CACNB2: variants seen among roughly 807,000 people sequenced by gnomAD.
CACNB2 encodes calcium voltage-gated channel auxiliary subunit beta 2.
Under a neutral mutation model 73.3 loss-of-function variants are expected in CACNB2, and 42 were observed. That is an observed-to-expected ratio of 0.57 (90% CI 0.45 to 0.74). The LOEUF (loss-of-function observed/expected upper bound fraction) is 0.74. CACNB2 is among the 30% of genes least tolerant of loss of function. The probability of loss-of-function intolerance (pLI) is 0.00; values close to 1 mark genes in which losing one functional copy is unlikely to be tolerated. For missense variants in CACNB2, 940 were observed against 853.0 expected (o/e 1.10, Z -1.27); for synonymous variants, 348 against 310.3 (o/e 1.12, Z -1.28).
chr10:18,487,379 G>T (rs539761517), intron 3 of CACNB2, among the ~76,000 whole-genome samples: 1 of 152,162 alleles, frequency 6.6e-6, no homozygotes, highest in African/African-American at 2.4e-5. Flanking sequence ...CAATATGGGG[G>T]CTGTGTTTCA....
At chr10:18,451,776 G>A (rs1480545398) in intron 3 of CACNB2, among the ~76,000 whole-genome samples, 1 of 152,164 alleles carries the variant, frequency 6.6e-6, no homozygotes. Flanking sequence ...TACAGATATT[G>A]ACAAGCTAGT....
intron 2 of CACNB2, among the ~76,000 whole-genome samples, chr10:18,240,244 T>A (rs2036596518): frequency 6.6e-6 from 1 of 152,204 alleles, no homozygotes; most frequent in Non-Finnish European, 1.5e-5. Context: ...TCTTGAACAA[T>A]ATTATTCTAC....
intron 2 of CACNB2, among the ~76,000 whole-genome samples, chr10:18,310,605 C>CAAAAAAAAAAA (rs1157466238): frequency 2.7e-5 from 1 of 36,858 alleles, no homozygotes; most frequent in Non-Finnish European, 4.5e-5. Flanking sequence ...AACTCCATCT[C>CAAAAAAAAAAA]AAAAAAAAAA....
intron 3 of CACNB2, among the ~76,000 whole-genome samples, chr10:18,430,213 A>G (rs533635951): frequency 6.6e-6 from 1 of 152,264 alleles, no homozygotes; most frequent in South Asian, 2.1e-4. Context: ...CCAAATGTCA[A>G]CAGACATCCA....
At chr10:18,470,191 A>G (rs2048107261) in intron 3 of CACNB2, among the ~76,000 whole-genome samples, 1 of 151,630 alleles carries the variant, frequency 6.6e-6, no homozygotes. Context: ...CACATTAAAA[A>G]GAAATGTATT....
chr10:18,521,143 C>T (rs544775780), intron 9 of CACNB2, among the ~76,000 whole-genome samples: 2 of 152,266 alleles, frequency 1.3e-5, no homozygotes, highest in African/African-American at 4.8e-5. Context: ...ATGAACAGCT[C>T]TCATGGAAAC....
intron 11 of CACNB2, among the ~76,000 whole-genome samples, chr10:18,535,265 G>A (rs886267966): frequency 6.6e-6 from 1 of 152,098 alleles, no homozygotes; most frequent in Non-Finnish European, 1.5e-5. Flanking sequence ...ACCATTTGTT[G>A]AGTTTTAGTG....
At chr10:18,488,818 G>A (rs1172838076) in intron 3 of CACNB2, among the ~76,000 whole-genome samples, 3 of 152,082 alleles carry the variant, frequency 2.0e-5, no homozygotes, top group African/African-American at 4.8e-5. Context: ...GAGAAACACA[G>A]GCTTTGGAGA....
At chr10:18,221,272 T>C (rs1335292702) in intron 2 of CACNB2, among the ~76,000 whole-genome samples, 1 of 149,120 alleles carries the variant, frequency 6.7e-6, no homozygotes, top group Non-Finnish European at 1.5e-5. Flanking sequence ...GATTGTGTCA[T>C]GGAACAATAT....
intron 2 of CACNB2, among the ~76,000 whole-genome samples, chr10:18,237,918 T>G (rs1052668650): frequency 1.3e-5 from 2 of 152,196 alleles, no homozygotes; most frequent in Non-Finnish European, 2.9e-5. Context: ...GGCTGGACTT[T>G]GTTCACTGAG....
intron 3 of CACNB2, among the ~76,000 whole-genome samples, chr10:18,425,071 G>A (rs2045527573): frequency 6.6e-6 from 1 of 152,180 alleles, no homozygotes; most frequent in Non-Finnish European, 1.5e-5. Context: ...CACTGTAGGA[G>A]AGTTTTCACT....
At chr10:18,379,689 A>G (rs1350509150) in intron 2 of CACNB2, among the ~76,000 whole-genome samples, 1 of 151,956 alleles carries the variant, frequency 6.6e-6, no homozygotes, top group African/African-American at 2.4e-5. Flanking sequence ...CCACCATTCT[A>G]CATTTCTGGA....
chr10:18,150,880 T>TTTTTTTTTTTG lies in CACNB2; in HGVS notation c.121-3_121-2insTTTTTTTTTTG. The TTTTTTTTTTTG allele has an allele frequency of 7.7e-7, 1 of 1,300,362 alleles. No homozygotes were observed. Among genetic ancestry groups the TTTTTTTTTTTG allele is most frequent in the Non-Finnish European group, 1.1e-6 (1 of 943,294 alleles). 80.6% of individuals were successfully genotyped at this position (1,300,362 alleles called of 1,614,324 possible). On this transcript the variant is annotated splice_polypyrimidine_tract_variant and splice_region_variant and intron_variant, in intron 1 of 13. Transcript: ENST00000324631. Reference sequence around the variant, plus strand: ...CTTTTTTTTTTTTTTTTTTTTTTTTTAGTCATATGGAAAAGGAGCCAGAAG... The same window carrying TTTTTTTTTTTG: ...CTTTTTTTTTTTTTTTTTTTTTTTTTTTTTTTTTTTGAGTCATATGGAAAAGGAGCCAGAAG...
At chr10:18,346,241 A>T (rs1589101036) in intron 2 of CACNB2, among the ~76,000 whole-genome samples, 1 of 151,314 alleles carries the variant, frequency 6.6e-6, no homozygotes. Flanking sequence ...CCGGGTTCAA[A>T]CGATTCTCCT....
chr10:18,300,928 G>C (rs1041466183), intron 2 of CACNB2, among the ~76,000 whole-genome samples: 3 of 152,174 alleles, frequency 2.0e-5, no homozygotes, highest in African/African-American at 4.8e-5. Flanking sequence ...AGAATATTCA[G>C]AGTACTCTGG....
intron 10 of CACNB2, among the ~76,000 whole-genome samples, chr10:18,532,538 G>C (rs2053135574): frequency 6.6e-6 from 1 of 151,778 alleles, no homozygotes; most frequent in Admixed American, 6.6e-5. Context: ...GCTGGGCCTG[G>C]TGGCACATGC....
chr10:18,393,661 C>T (rs1341786977), intron 2 of CACNB2, among the ~76,000 whole-genome samples: 1 of 152,160 alleles, frequency 6.6e-6, no homozygotes, highest in African/African-American at 2.4e-5. Flanking sequence ...GATGAGCTGC[C>T]GACCAGTCTA....
intron 2 of CACNB2, among the ~76,000 whole-genome samples, chr10:18,349,714 T>G (rs974072735): frequency 1.5e-5 from 2 of 132,170 alleles, no homozygotes; most frequent in Non-Finnish European, 3.3e-5. Context: ...AAACTTTCAG[T>G]TGGAGATGAT....
At chr10:18,427,426 A>G (rs2045664872) in intron 3 of CACNB2, among the ~76,000 whole-genome samples, 1 of 151,940 alleles carries the variant, frequency 6.6e-6, no homozygotes, top group Admixed American at 6.6e-5. Flanking sequence ...CATGAGGGAA[A>G]CTGGCCTCTA....
Sources: gnomAD v4.1 joint callset for allele counts (sites outside exome capture counted in the v4.1 genomes callset) on GRCh38, gnomAD v4.1.1 for gene constraint, MANE v1.5 for transcripts, NCBI Gene and HGNC (gene_info 2026-07-23, HGNC 2026-07-21) for gene names.